The following NPAS2 variants were observed in gnomAD, a reference collection of about 807,000 sequenced individuals.
The protein encoded by NPAS2 is neuronal PAS domain protein 2.
NPAS2 carries 23 observed loss-of-function variants against 107.5 expected under a neutral mutation model. That is an observed-to-expected ratio of 0.21 (90% CI 0.15 to 0.30). The LOEUF (loss-of-function observed/expected upper bound fraction) is 0.30, where lower values mean the gene tolerates loss of function less well. NPAS2 is among the 10% of genes least tolerant of loss of function. The probability of loss-of-function intolerance (pLI) is 1.00; values close to 1 mark genes in which losing one functional copy is unlikely to be tolerated. For synonymous variants in NPAS2, 403 were observed against 417.5 expected (o/e 0.97, Z 0.42); for missense variants, 756 against 1,043.3 (o/e 0.72, Z 3.79).
chr2:100,833,361 T>A (rs1408564477), intron 1 of NPAS2, among the ~76,000 whole-genome samples: 2 of 152,192 alleles, frequency 1.3e-5, no homozygotes, highest in African/African-American at 4.8e-5. Context: ...TGAAAAGTAG[T>A]GCTATTGATT....
intron 1 of NPAS2, among the ~76,000 whole-genome samples, chr2:100,869,187 C>T (rs774577259): frequency 2.0e-5 from 3 of 152,002 alleles, no homozygotes; most frequent in Admixed American, 6.5e-5. Flanking sequence ...CCACCTGCCT[C>T]GGCCTCCCAA....
At position 100,968,667 on chromosome 2, in the gene NPAS2, G is replaced by T. The variant is rs372750974; in HGVS notation, c.1055+239G>T. ...AGACTCCTTTCAAGCTCTCAGTCAGGCCCCTTTGAACGCCTCATGGACTCT... is the reference window on the plus strand; with the variant it reads ...AGACTCCTTTCAAGCTCTCAGTCAGTCCCCTTTGAACGCCTCATGGACTCT... On this transcript the variant is annotated intron_variant, in intron 11 of 20. Coordinates refer to ENST00000335681, the MANE Select transcript of NPAS2 (RefSeq NM_002518.4). This position sits in a 1 kb window ranked among gnomAD's most constrained non-coding sequence, Gnocchi z 5.3. 2.5e-3 allele frequency among the ~76,000 whole-genome samples: 373 copies of T among 152,158 alleles called. 1 individual carries two copies. Among genetic ancestry groups the T allele is most frequent in the African/African-American group, 8.5e-3 (353 of 41,518 alleles).
chr2:100,967,588 A>AG (rs1400047362), intron 10 of NPAS2, among the ~76,000 whole-genome samples: 6 of 152,086 alleles, frequency 3.9e-5, no homozygotes, highest in Non-Finnish European at 5.9e-5. Flanking sequence ...TTACCTAAAG[A>AG]GGTGCTAAGT....
intron 1 of NPAS2, among the ~76,000 whole-genome samples, chr2:100,866,089 G>A (rs1679232642): frequency 6.6e-6 from 1 of 152,200 alleles, no homozygotes; most frequent in Admixed American, 6.5e-5. Flanking sequence ...CCCTGCAGCT[G>A]TCTGGCCACA....
Position 100,990,792 on chromosome 2 carries a change from C to G in NPAS2, c.2031C>G (p.Ser677Arg). The change falls in exon 19 of 21, where the codon AGC becomes AGG. Residue 677 changes from serine to arginine, a missense_variant. By Grantham distance (110) the Ser-to-Arg change is moderately radical (BLOSUM62 -1). Around this residue, in one of 4 missense-constraint regions of NPAS2, gnomAD observed 496 missense variants for 594.4 expected, o/e 0.83. Coordinates refer to ENST00000335681, the MANE Select transcript of NPAS2 (RefSeq NM_002518.4). ...CCTCTGCTTAAAGGCTGTTGCTGAG[C>G]CAGCCCATCCAGCCCATGATGCCCG... The part of the protein sequence containing the change: ...SHDRQLRLLL[S>R]QPIQPMMPGS... 2 of 1,614,120 alleles carry G rather than the reference C, an allele frequency of 1.2e-6. No individual in the cohort carries two copies. The highest frequency in any genetic ancestry group is 1.7e-6 in the Non-Finnish European group (2 of 1,179,946).
At chr2:100,904,138 G>A (rs1223694598) in intron 1 of NPAS2, among the ~76,000 whole-genome samples, 1 of 152,162 alleles carries the variant, frequency 6.6e-6, no homozygotes, top group African/African-American at 2.4e-5. Context: ...AGCTTGTGTG[G>A]TTTGAATGGA....
chr2:100,848,785 C>T (rs1337185686), intron 1 of NPAS2, among the ~76,000 whole-genome samples: 3 of 152,314 alleles, frequency 2.0e-5, no homozygotes, highest in South Asian at 2.1e-4. Flanking sequence ...AGTCAAGAAA[C>T]TTTTATGTCC....
chr2:100,861,688 A>G (rs1678950355), intron 1 of NPAS2, among the ~76,000 whole-genome samples: 1 of 152,182 alleles, frequency 6.6e-6, no homozygotes, highest in Admixed American at 6.5e-5. Flanking sequence ...TTCTACAGGT[A>G]TTGAATCAGG....
intron 1 of NPAS2, among the ~76,000 whole-genome samples, chr2:100,867,598 T>G (rs1679332925): frequency 6.6e-6 from 1 of 152,234 alleles, no homozygotes; most frequent in Non-Finnish European, 1.5e-5. Context: ...ATGTGTTTCT[T>G]GAGAACAATG....
chr2:100,988,576 G>A (rs1167997628), intron 17 of NPAS2: 1 of 401,928 alleles, frequency 2.5e-6, no homozygotes, highest in Non-Finnish European at 4.6e-6. Context: ...CTTAGGGTTG[G>A]AGGCAGATAT....
Position 100,875,273 on chromosome 2 carries a change from C to T in NPAS2, c.-22-29460C>T, listed in dbSNP as rs560210152. On this transcript the variant is annotated intron_variant, in intron 1 of 20. Transcript: ENST00000335681. ...AAAAAGCAGAATGGTGGTTGCCAAACGCTGGGGAAAGCAGGCAATGGGGAG... is the reference window on the plus strand; with the variant it reads ...AAAAAGCAGAATGGTGGTTGCCAAATGCTGGGGAAAGCAGGCAATGGGGAG... 1.2e-4 allele frequency among the ~76,000 whole-genome samples: 18 copies of T among 152,152 alleles called. No homozygotes were observed. The South Asian group carries it at 1.5e-3, about 12-fold the overall frequency.
intron 16 of NPAS2, 81 bp from the exon 17 acceptor site, chr2:100,987,998 G>A: frequency 6.9e-7 from 1 of 1,459,230 alleles, no homozygotes; most frequent in Non-Finnish European, 9.5e-7. Flanking sequence ...AGTTCTTACT[G>A]GCACAGGGAA....
At chr2:100,963,958 C>T (rs1276718116) in intron 7 of NPAS2, 100 bp from the exon 8 acceptor site, 2 of 723,386 alleles carry the variant, frequency 2.8e-6, no homozygotes, top group Middle Eastern at 3.6e-4. Context: ...TACATAAACC[C>T]TGGGGGCAGC....
At chr2:100,898,858 A>T (rs991253642) in intron 1 of NPAS2, among the ~76,000 whole-genome samples, 9 of 152,160 alleles carry the variant, frequency 5.9e-5, no homozygotes, top group Non-Finnish European at 1.3e-4. Context: ...TGTAACTAAC[A>T]TACCTCTTAT....
At chr2:100,887,848 A>G (rs1037069919) in intron 1 of NPAS2, among the ~76,000 whole-genome samples, 1 of 152,170 alleles carries the variant, frequency 6.6e-6, no homozygotes, top group African/African-American at 2.4e-5. Context: ...CGGGCCCTGC[A>G]TTCGCATCAT....
chr2:100,981,360 A>G (rs1477662900), intron 15 of NPAS2, among the ~76,000 whole-genome samples: 2 of 152,200 alleles, frequency 1.3e-5, no homozygotes, highest in Non-Finnish European at 2.9e-5. Flanking sequence ...GCCTCAAGAT[A>G]TGGGAGTCAT....
chr2:100,895,336 C>G (rs1044514289), intron 1 of NPAS2, among the ~76,000 whole-genome samples: 7 of 152,226 alleles, frequency 4.6e-5, no homozygotes, highest in Non-Finnish European at 1.0e-4. Context: ...GTCTCACAGC[C>G]AAACAGTGAG....
intron 1 of NPAS2, among the ~76,000 whole-genome samples, chr2:100,863,717 GTT>G (rs1173841933): frequency 6.6e-6 from 1 of 152,214 alleles, no homozygotes; most frequent in Non-Finnish European, 1.5e-5. Context: ...GTGAAGACAT[GTT>G]TTTTTGTGCA....
intron 1 of NPAS2, among the ~76,000 whole-genome samples, chr2:100,844,721 C>T (rs1677664507): frequency 6.6e-6 from 1 of 152,166 alleles, no homozygotes; most frequent in Admixed American, 6.5e-5. Context: ...GTCATACTTA[C>T]TACTAGAAAG....
Sources: gnomAD v4.1 joint callset for allele counts (sites outside exome capture counted in the v4.1 genomes callset) on GRCh38, gnomAD v4.1.1 for gene constraint, gnomAD v4.1.1 regional missense constraint, Gnocchi (gnomAD v3.1) non-coding constraint, MANE v1.5 for transcripts, NCBI Gene and HGNC (gene_info 2026-07-23, HGNC 2026-07-21) for gene names.